KCTD14: variants seen among roughly 807,000 people sequenced by gnomAD.
KCTD14 encodes the protein BTB/POZ domain-containing protein KCTD14.
In KCTD14, 7 loss-of-function variants were observed where a neutral mutation model predicts 5.9. The ratio of observed to expected loss-of-function variants is 1.19; its 90% CI spans 0.68 to 2.23. The LOEUF (loss-of-function observed/expected upper bound fraction) is 2.23, where lower values mean the gene tolerates loss of function less well. KCTD14 is among the 30% of genes most tolerant of loss of function. The pLI is 0.00. For missense variants in KCTD14, 342 were observed against 332.2 expected (o/e 1.03, Z -0.23); for synonymous variants, 140 against 133.1 (o/e 1.05, Z -0.36).
intron 1 of KCTD14, chr11:78,038,798 T>C (rs1341585059): frequency 6.5e-7 from 1 of 1,535,068 alleles, no homozygotes; most frequent in Admixed American, 2.0e-5. Flanking sequence ...CTATCAGTGT[T>C]CACAAAGGAC....
chr11:78,024,835 C>T (rs964543480), upstream of KCTD14, among the ~76,000 whole-genome samples: 1 of 151,592 alleles, frequency 6.6e-6, no homozygotes, highest in Non-Finnish European at 1.5e-5. Context: ...ATCCCAGCTA[C>T]TTGGGAGGCT....
intron 2 of KCTD14, among the ~76,000 whole-genome samples, chr11:78,037,647 C>T (rs889393340): frequency 2.0e-5 from 3 of 152,034 alleles, no homozygotes; most frequent in Admixed American, 6.6e-5. Context: ...GGTGAAACCC[C>T]GTCTCTACTA....
intron 2 of KCTD14, among the ~76,000 whole-genome samples, chr11:78,037,634 A>G (rs996563769): frequency 4.0e-5 from 6 of 151,892 alleles, no homozygotes; most frequent in Non-Finnish European, 7.4e-5. Flanking sequence ...GCCTGGCCAA[A>G]ATGGTGAAAC....
chr11:78,040,097 A>G lies in KCTD14; in HGVS notation c.-95-1339T>C, dbSNP rs543616496. 1.1e-3 allele frequency among the ~76,000 whole-genome samples: 173 copies of G among 152,254 alleles called. 1 individual carries two copies. The highest frequency in any genetic ancestry group is 4.1e-3 in the African/African-American group (169 of 41,558). ...GCTGCCCTGTTTATGTTTTTGCCCC[A>G]TGTTCAGAGTCTGACCTCCAACAGA... On this transcript the variant is annotated intron_variant, in intron 1 of 2. Coordinates refer to the KCTD14 transcript ENST00000533144.
At chr11:78,028,079 T>C (rs1322107921), upstream of KCTD14, among the ~76,000 whole-genome samples, 1 of 152,046 alleles carries the variant, frequency 6.6e-6, no homozygotes, top group Non-Finnish European at 1.5e-5. Context: ...TCCATTCAGA[T>C]GGTTGGGGGG....
At chr11:78,032,514 T>A (rs1382161535) in intron 2 of KCTD14, among the ~76,000 whole-genome samples, 1 of 152,156 alleles carries the variant, frequency 6.6e-6, no homozygotes. Context: ...ACCCCCATTT[T>A]CCAGGTGATG....
intron 2 of KCTD14, among the ~76,000 whole-genome samples, chr11:78,031,619 C>T (rs1474158303): frequency 6.6e-6 from 1 of 151,802 alleles, no homozygotes; most frequent in Non-Finnish European, 1.5e-5. Context: ...AACTCCTGAT[C>T]TCTAGCGGTC....
rs753190506 is a variant in KCTD14 at position 78,017,078 on chromosome 11, T to C, written c.283A>G (p.Thr95Ala). The change falls in exon 2 of 2, where the codon ACT becomes GCT. Residue 95 changes from threonine (T) to alanine (A), a missense_variant. By Grantham distance (58) the Thr-to-Ala change is moderately conservative. Transcript: ENST00000353172. ...ATGTGCTGTGTGGGCACTTGCCCAGTGCGCAGGTAGTCCAGGATGGGTCTG... is the reference window on the plus strand; with the variant it reads ...ATGTGCTGTGTGGGCACTTGCCCAGCGCGCAGGTAGTCCAGGATGGGTCTG... ...YFRPILDYLR[T>A]GQVPTQHIPE... The C allele has an allele frequency of 2.5e-6, 4 of 1,614,076 alleles. No homozygotes were observed. In the African/African-American group the frequency reaches 5.3e-5, roughly 22 times the overall value.
chr11:78,032,442 G>A (rs1019468154), intron 2 of KCTD14, among the ~76,000 whole-genome samples: 2 of 152,208 alleles, frequency 1.3e-5, no homozygotes, highest in Non-Finnish European at 2.9e-5. Context: ...TTGTTTCACA[G>A]GCATTATCTC....
rs200251983 is a variant in KCTD14, at chr11:78,023,182, G to T, written c.68C>A (p.Ser23Tyr). Residue 23 changes from serine to tyrosine, a missense_variant, in exon 1 of 2, where the codon TCC becomes TAC. Physicochemically the swap from Ser to Tyr is moderately radical, Grantham distance 144 (BLOSUM62 -2). Transcript: ENST00000353172. ...RMTSQTPLPQ[S>Y]PRPRRPTMST... ...TACCGTTGGCCGCCTGGGCCGGGGG[G>T]ACTGGGGCAGAGGGGTCTGGCTCGT... The T allele has an allele frequency of 1.2e-4, 188 of 1,599,604 alleles. No homozygotes were observed. In the African/African-American group the frequency reaches 1.2e-3, roughly 10 times the overall value.
chr11:78,020,042 C>T (rs2136706107), intron 1 of KCTD14, among the ~76,000 whole-genome samples: 1 of 152,244 alleles, frequency 6.6e-6, no homozygotes. Flanking sequence ...GGACACAGTC[C>T]CTGCTTTCAA....
upstream of KCTD14, among the ~76,000 whole-genome samples, chr11:78,027,971 G>A (rs73507590): frequency 0.016 from 2,453 of 152,194 alleles, 57 homozygotes; most frequent in African/African-American, 0.055. Context: ...ATTCCAAAAG[G>A]GGGAAGGGTA....
chr11:78,023,481 G>A (rs571438020), upstream of KCTD14: 161 of 513,518 alleles, frequency 3.1e-4, 3 homozygotes, highest in South Asian at 3.7e-3. Flanking sequence ...CTGACCTTTT[G>A]ATATAGATTA....
chr11:78,024,860 G>A (rs1218704082), upstream of KCTD14, among the ~76,000 whole-genome samples: 2 of 151,570 alleles, frequency 1.3e-5, no homozygotes, highest in East Asian at 1.9e-4. Flanking sequence ...CAGAAGAATC[G>A]CTTGAACCTA....
intron 1 of KCTD14, chr11:78,038,874 GC>G: frequency 8.3e-7 from 1 of 1,211,894 alleles, no homozygotes. Flanking sequence ...GAACTGGATG[GC>G]TACTGCTGCT....
chr11:78,021,396 T>A (rs1033223666), intron 1 of KCTD14, among the ~76,000 whole-genome samples: 1 of 151,424 alleles, frequency 6.6e-6, no homozygotes, highest in African/African-American at 2.4e-5. Flanking sequence ...GTTCCTAAGC[T>A]TCTTTTTGTT....
At chr11:78,045,853 G>A (rs1054674100) in intron 1 of KCTD14, among the ~76,000 whole-genome samples, 3 of 152,112 alleles carry the variant, frequency 2.0e-5, no homozygotes, top group Non-Finnish European at 4.4e-5. Flanking sequence ...CTCCTCAGAC[G>A]TTGCTGCCCC....
chr11:78,024,028 G>A (rs1180515637), upstream of KCTD14, among the ~76,000 whole-genome samples: 1 of 152,158 alleles, frequency 6.6e-6, no homozygotes, highest in Non-Finnish European at 1.5e-5. Context: ...GATGGAAAGA[G>A]GTTGAGTGTT....
chr11:78,032,862 A>G (rs113328892), intron 2 of KCTD14, among the ~76,000 whole-genome samples: 10,234 of 151,872 alleles, frequency 0.067, 1,106 homozygotes, highest in African/African-American at 0.23. Context: ...AATTTTTTTT[A>G]TAGAGCTGGG....
Sources: allele counts gnomAD v4.1 joint callset (sites outside exome capture counted in the v4.1 genomes callset), GRCh38; gene constraint gnomAD v4.1.1; transcripts MANE v1.5; gene names NCBI Gene and HGNC (gene_info 2026-07-23, HGNC 2026-07-21).